DACT3: variants seen among roughly 807,000 people sequenced by gnomAD.
DACT3 encodes dishevelled binding antagonist of beta catenin 3.
A neutral mutation model predicts 19.6 loss-of-function variants in DACT3; 5 were observed. The ratio of observed to expected loss-of-function variants is 0.26; its 90% CI spans 0.13 to 0.54. DACT3 has a LOEUF of 0.54. Among genes scored for constraint, DACT3 ranks in the 20% least tolerant of loss-of-function variants. DACT3 has a pLI of 0.95. For missense variants in DACT3, 908 were observed against 927.4 expected (o/e 0.98, Z 0.27); for synonymous variants, 454 against 428.1 (o/e 1.06, Z -0.75).
chr19:46,659,360 G>A, intron 1 of DACT3: 1 of 951,256 alleles, frequency 1.1e-6, no homozygotes, highest in Non-Finnish European at 1.3e-6. Context: ...GGAAGGTGAA[G>A]GGTGAAAAGG....
rs1032613450 is a variant in DACT3 at position 46,660,653 on chromosome 19, G to C, written c.249+163C>G. ...CCCGATTTGGGGGCGGGGAGGCCAG[G>C]TCCGGCCCGCCGCCGGAACTCCGGG... On this transcript the variant is annotated intron_variant, in intron 1 of 3. Transcript: ENST00000391916. The surrounding 1 kb of genome is among the most constrained non-coding windows in gnomAD (Gnocchi z 4.9). Among the ~76,000 whole-genome samples the C allele has an allele frequency of 2.6e-5, 4 of 152,234 alleles. No individual in the cohort carries two copies. The highest frequency in any genetic ancestry group is 2.6e-4 in the Admixed American group (4 of 15,302).
intron 1 of DACT3, chr19:46,659,476 C>A: frequency 1.0e-6 from 1 of 982,764 alleles, no homozygotes; most frequent in Non-Finnish European, 1.2e-6. Flanking sequence ...CCAAGCCGAG[C>A]CAGCTTGGGG....
Position 46,660,025 on chromosome 19 carries a change from A to G in DACT3, c.249+791T>C, listed in dbSNP as rs2053063264. Among the ~76,000 whole-genome samples the G allele has an allele frequency of 6.6e-6, 1 of 152,172 alleles. No homozygotes were observed. The highest frequency in any genetic ancestry group is 1.5e-5 in the Non-Finnish European group (1 of 68,020). ...ACCCAGGACGAGATCGGGAGACTCA[A>G]GGAATGACATAGAAAGGGGAGAGGC... On this transcript the variant is annotated intron_variant, in intron 1 of 3. Coordinates refer to ENST00000391916, the MANE Select transcript of DACT3 (RefSeq NM_145056.3). This position sits in a 1 kb window ranked among gnomAD's most constrained non-coding sequence, Gnocchi z 4.9.
At chr19:46,654,395 A>C (rs968524046) in intron 1 of DACT3, 15 of 553,344 alleles carry the variant, frequency 2.7e-5, no homozygotes, top group Non-Finnish European at 4.6e-6. Flanking sequence ...CTGAGGCGGG[A>C]GGATTGCTTG....
rs991506121 is a variant in DACT3, at chr19:46,653,176, G to A, written c.250-101C>T. On this transcript the variant is annotated intron_variant, in intron 1 of 3. Coordinates refer to ENST00000391916, the MANE Select transcript of DACT3 (RefSeq NM_145056.3). The stretch of plus-strand genomic sequence containing the variant: ...ATGGGCAGAGTTTCACTTTGACAAT[G>A]AGGCTCTCGCTTCAAAGGATAAAAG... 6.7e-6 allele frequency: 10 copies of A among 1,488,260 alleles called. No individual in the cohort carries two copies. The African/African-American group carries it at 1.4e-4, about 21-fold the overall frequency. The allele number at this position is 1,488,260 out of a possible 1,614,324, so 92.2% of individuals were successfully genotyped here.
At chr19:46,652,614 T>C in intron 3 of DACT3, 46 bp downstream of exon 3, 1 of 1,541,514 alleles carries the variant, frequency 6.5e-7, no homozygotes, top group Non-Finnish European at 8.7e-7. Context: ...ACCATCCTCC[T>C]ACTGTCCTTT....
chr19:46,648,352 G>A lies in DACT3; in HGVS notation c.*130C>T, dbSNP rs2052938555. The stretch of plus-strand genomic sequence containing the variant: ...CTTTTCAACCAAGACTGTTAGGAGT[G>A]GGGAGAGTGAGGGGGGTCTTTGGAA... On this transcript the variant is annotated 3_prime_UTR_variant, in exon 4 of 4. Transcript: ENST00000391916. This position sits in a 1 kb window ranked among gnomAD's most constrained non-coding sequence, Gnocchi z 5.1. 2.0e-6 allele frequency: 3 copies of A among 1,484,004 alleles called. No individual in the cohort carries two copies. The Admixed American group carries it at 5.8e-5, about 29-fold the overall frequency. 91.9% of individuals were successfully genotyped at this position (1,484,004 alleles called of 1,614,324 possible).
Position 46,648,327 on chromosome 19 carries a change from C to A in DACT3, c.*155G>T. Reference sequence around the variant, plus strand: ...TTCCTCTCGGTGGTGGTGGGGGAGCCTTTTCAACCAAGACTGTTAGGAGTG... The same window carrying A: ...TTCCTCTCGGTGGTGGTGGGGGAGCATTTTCAACCAAGACTGTTAGGAGTG... On this transcript the variant is annotated 3_prime_UTR_variant, in exon 4 of 4. Coordinates refer to ENST00000391916, the MANE Select transcript of DACT3 (RefSeq NM_145056.3). This position sits in a 1 kb window ranked among gnomAD's most constrained non-coding sequence, Gnocchi z 5.1. 1.6e-6 allele frequency: 2 copies of A among 1,285,036 alleles called. No homozygotes were observed. The highest frequency in any genetic ancestry group is 2.1e-6 in the Non-Finnish European group (2 of 936,194). 79.6% of individuals were successfully genotyped at this position (1,285,036 alleles called of 1,614,324 possible). A position where few individuals can be genotyped will look rare whatever the true frequency, so the allele number is the denominator to read the frequency against.
At position 46,649,345 on chromosome 19, in the gene DACT3, G is replaced by A; in HGVS notation, c.1027C>T (p.Pro343Ser). 2.4e-6 allele frequency: 3 copies of A among 1,242,234 alleles called. No individual in the cohort carries two copies. Among genetic ancestry groups the A allele is most frequent in the African/African-American group, 1.6e-5 (1 of 62,354 alleles). The allele number at this position is 1,242,234 out of a possible 1,614,324, so 77.0% of individuals were successfully genotyped here. The change falls in exon 4 of 4, where the codon CCC becomes TCC. Residue 343 changes from proline (P) to serine (S), a missense_variant. Coordinates refer to ENST00000391916, the MANE Select transcript of DACT3 (RefSeq NM_145056.3). ...TCAGCCGGGCTGTCGGGGGGTGAGG[G>A]GGCGGCGGGCGGCGCAGCGGGCTCG... ...APEPAAPPAA[P>S]SPPDSPAEGR...
At chr19:46,651,687 TGTGTGG>T (rs1290203388) in intron 3 of DACT3, 3 of 146,666 alleles carry the variant, frequency 2.0e-5, no homozygotes, top group African/African-American at 7.5e-5. Flanking sequence ...TGTGTGTGTG[TGTGTGG>T]TTGGTGTTTT....
At chr19:46,656,763 T>C (rs1430899518) in intron 1 of DACT3, among the ~76,000 whole-genome samples, 2 of 152,158 alleles carry the variant, frequency 1.3e-5, no homozygotes, top group Non-Finnish European at 2.9e-5. Flanking sequence ...TACCAAGATA[T>C]AGCATTGAGC....
chr19:46,653,897 C>T (rs2053010449), intron 1 of DACT3, among the ~76,000 whole-genome samples: 1 of 152,184 alleles, frequency 6.6e-6, no homozygotes, highest in Admixed American at 6.6e-5. Context: ...CCCATTGCCC[C>T]TTATCACCAA....
chr19:46,650,591 T>C (rs868779730), intron 3 of DACT3: 1 of 152,004 alleles, frequency 6.6e-6, no homozygotes, highest in Admixed American at 6.6e-5. Flanking sequence ...CTGATTTTTT[T>C]ATTTTTTGTA....
chr19:46,652,588 G>T, intron 3 of DACT3, 72 bp downstream of exon 3: 1 of 1,474,816 alleles, frequency 6.8e-7, no homozygotes, highest in Non-Finnish European at 9.1e-7. Context: ...GCCCGATTCG[G>T]AAGTCTGTGC....
chr19:46,650,849 C>G (rs1394769866), intron 3 of DACT3: 1 of 152,054 alleles, frequency 6.6e-6, no homozygotes. Flanking sequence ...TTCTGGATAT[C>G]TGCTAGGTCC....
intron 1 of DACT3, among the ~76,000 whole-genome samples, chr19:46,658,598 G>A (rs1202118026): frequency 6.6e-6 from 1 of 152,036 alleles, no homozygotes; most frequent in Non-Finnish European, 1.5e-5. Context: ...TTGCAAGTCT[G>A]GCCTCATTCC....
chr19:46,649,302 G>A lies in DACT3; in HGVS notation c.1070C>T (p.Ala357Val). ...DSPAEGRLVK[A>V]QYIPGAQAAT... ...CGCCTGCGCGCCCGGGATGTACTGCGCCTTCACCAAGCGGCCCTCAGCCGG... is the reference window on the plus strand; with the variant it reads ...CGCCTGCGCGCCCGGGATGTACTGCACCTTCACCAAGCGGCCCTCAGCCGG... Residue 357 changes from alanine to valine, a missense_variant, in exon 4 of 4, where the codon GCG becomes GTG. By Grantham distance (64) the Ala-to-Val change is moderately conservative. Around this residue, in one of 2 missense-constraint regions of DACT3, gnomAD observed 656 missense variants for 601.8 expected, o/e 1.09. Transcript: ENST00000391916. The A allele has an allele frequency of 8.1e-7, 1 of 1,234,596 alleles. No individual in the cohort carries two copies. The highest frequency in any genetic ancestry group is 1.0e-6 in the Non-Finnish European group (1 of 986,944). 76.5% of individuals were successfully genotyped at this position (1,234,596 alleles called of 1,614,324 possible).
rs2122436398 is a variant in DACT3 at position 46,649,243 on chromosome 19, G to A, written c.1129C>T (p.Arg377Cys). 1 of 1,199,032 alleles carries A rather than the reference G, an allele frequency of 8.3e-7. No homozygotes were observed. Among genetic ancestry groups the A allele is most frequent in the South Asian group, 3.6e-5 (1 of 27,416 alleles). The allele number at this position is 1,199,032 out of a possible 1,614,324, so 74.3% of individuals were successfully genotyped here. The change falls in exon 4 of 4, where the codon CGC (arginine) becomes TGC (cysteine). Residue 377 changes from arginine to cysteine, a missense_variant. By Grantham distance (180) the Arg-to-Cys change is radical. Transcript: ENST00000391916. ...CCGCGGGTCAGTGGCGGCGGTTTGC[G>A]GCGGGCGGCGCGGCCAGGGAGGCCT... is the stretch of plus-strand genomic sequence containing the variant. ...TRGLPGRAAR[R>C]KPPPLTRGRS...
Position 46,660,193 on chromosome 19 carries a change from G to A in DACT3, c.249+623C>T, listed in dbSNP as rs1282382896. 6.6e-6 allele frequency among the ~76,000 whole-genome samples: 1 copy of A among 152,190 alleles called. No individual in the cohort carries two copies. The highest frequency in any genetic ancestry group is 2.4e-5 in the African/African-American group (1 of 41,446). On this transcript the variant is annotated intron_variant, in intron 1 of 3. Coordinates refer to ENST00000391916, the MANE Select transcript of DACT3 (RefSeq NM_145056.3). The surrounding 1 kb of genome is among the most constrained non-coding windows in gnomAD (Gnocchi z 4.9). The stretch of plus-strand genomic sequence containing the variant: ...AGCTGGGGCCAGGTAGGAAGCAGGG[G>A]AAGTGTCACCAAAGGGTCAAGATCC...
Sources: allele counts gnomAD v4.1 joint callset (sites outside exome capture counted in the v4.1 genomes callset), GRCh38; gene constraint gnomAD v4.1.1; regional missense constraint gnomAD v4.1.1; non-coding constraint Gnocchi (gnomAD v3.1); transcripts MANE v1.5; gene names NCBI Gene and HGNC (gene_info 2026-07-23, HGNC 2026-07-21).